The following IL10RB variants were observed in gnomAD, a reference collection of about 807,000 sequenced individuals.
IL10RB encodes interleukin 10 receptor subunit beta.
A neutral mutation model predicts 38.7 loss-of-function variants in IL10RB; 30 were observed. The ratio of observed to expected loss-of-function variants is 0.78; its 90% CI spans 0.58 to 1.05. The LOEUF (loss-of-function observed/expected upper bound fraction) is 1.05. Among genes scored for constraint, IL10RB ranks in the 50% least tolerant of loss-of-function variants. The pLI, the probability that IL10RB is intolerant of heterozygous loss-of-function variation, is 0.00. For missense variants in IL10RB, 328 were observed against 397.1 expected (o/e 0.83, Z 1.48); for synonymous variants, 142 against 145.9 (o/e 0.97, Z 0.19).
rs373803746 is a variant in IL10RB, at chr21:33,291,754, C to G, written c.804+3493C>G. Among the ~76,000 whole-genome samples, 29 of 152,290 alleles carry G rather than the reference C, an allele frequency of 1.9e-4. No individual in the cohort carries two copies. In the East Asian group the frequency reaches 4.2e-3, roughly 22 times the overall value. On this transcript the variant is annotated intron_variant, in intron 6 of 6. Transcript: ENST00000290200. ...CCTTCCAGAGTGGTGCAAGAGTCGA[C>G]GTCATCAGCTTGCTACCAGGTGGCT... is the stretch of plus-strand genomic sequence containing the variant.
chr21:33,279,630 A>ACATTGATTGACATGG, intron 3 of IL10RB, 122 bp from the exon 4 acceptor site: 1 of 830,988 alleles, frequency 1.2e-6, no homozygotes, highest in Non-Finnish European at 2.1e-6. Context: ...CAATGTCATG[A>ACATTGATTGACATGG]CAATAGTATA....
At chr21:33,280,631 C>A (rs935358285) in intron 4 of IL10RB, among the ~76,000 whole-genome samples, 12 of 152,088 alleles carry the variant, frequency 7.9e-5, no homozygotes. Flanking sequence ...TTTTATTCAT[C>A]CTTGGTCAAG....
At chr21:33,303,060 T>C (rs1223897768) in intron 1 of IL10RB, among the ~76,000 whole-genome samples, 6 of 152,174 alleles carry the variant, frequency 3.9e-5, no homozygotes, top group African/African-American at 1.4e-4. Context: ...CCCAAGGCCT[T>C]CTTCAGGCAC....
At chr21:33,276,512 C>A in intron 2 of IL10RB, 84 bp from the exon 3 acceptor site, 4 of 1,088,650 alleles carry the variant, frequency 3.7e-6, no homozygotes, top group Non-Finnish European at 5.7e-6. Flanking sequence ...CCGCGCCGCC[C>A]CCCCCTCCAA....
chr21:33,301,705 C>T (rs117655517), downstream of IL10RB, among the ~76,000 whole-genome samples: 700 of 152,340 alleles, frequency 4.6e-3, 5 homozygotes, highest in Non-Finnish European at 7.6e-3. Context: ...TTGTTCTAAG[C>T]ACTTTTACAT....
downstream of IL10RB, among the ~76,000 whole-genome samples, chr21:33,299,613 T>C (rs1601840826): frequency 6.6e-6 from 1 of 152,202 alleles, no homozygotes; most frequent in South Asian, 2.1e-4. Flanking sequence ...GCACCTTTGT[T>C]CCTTCCTCTC....
At chr21:33,308,501 T>C (rs767690660) in intron 1 of IL10RB, 3 of 152,240 alleles carry the variant, frequency 2.0e-5, no homozygotes, top group Non-Finnish European at 4.4e-5. Flanking sequence ...GTATAAGAAC[T>C]GCTGATGAGG....
intron 6 of IL10RB, among the ~76,000 whole-genome samples, chr21:33,295,671 C>CAAA (rs549680649): frequency 3.7e-5 from 4 of 109,578 alleles, no homozygotes; most frequent in Non-Finnish European, 5.5e-5. Context: ...GACTCCATCT[C>CAAA]AAAAAAAAAA....
chr21:33,266,848 T>G (rs538949302), intron 1 of IL10RB, among the ~76,000 whole-genome samples: 1 of 152,168 alleles, frequency 6.6e-6, no homozygotes, highest in South Asian at 2.1e-4. Flanking sequence ...AGACCCAAGA[T>G]CCCACCGTGG....
chr21:33,285,909 A>C (rs1225934470), intron 5 of IL10RB, among the ~76,000 whole-genome samples: 1 of 152,188 alleles, frequency 6.6e-6, no homozygotes, highest in African/African-American at 2.4e-5. Flanking sequence ...CACCAAGAGC[A>C]GACTCACATG....
intron 2 of IL10RB, among the ~76,000 whole-genome samples, chr21:33,272,471 C>T (rs1989098918): frequency 6.6e-6 from 1 of 151,980 alleles, no homozygotes; most frequent in South Asian, 2.1e-4. Flanking sequence ...TTTTTTGAGA[C>T]AGTGTCACTC....
chr21:33,308,332 T>C (rs766360826), intron 1 of IL10RB: 1 of 152,222 alleles, frequency 6.6e-6, no homozygotes, highest in Non-Finnish European at 1.5e-5. Flanking sequence ...AATCACTTCA[T>C]GGATGTTAAA....
rs143985008 is a variant in IL10RB, at chr21:33,268,414, C to A, written c.70C>A (p.Pro24Thr). The change falls in exon 2 of 7, where the codon CCC (proline) becomes ACC (threonine). Residue 24 changes from proline to threonine, a missense_variant. By Grantham distance (38) the Pro-to-Thr change is conservative. Transcript: ENST00000290200. Reference protein sequence around the residue: ...LVSALGMVPPPENVRMNSVNF... With the variant: ...LVSALGMVPPTENVRMNSVNF... The stretch of plus-strand genomic sequence containing the variant: ...CATAGCATTGGGAATGGTACCACCT[C>A]CCGAAAATGTCAGAATGAATTCTGT... 3.1e-5 allele frequency: 50 copies of A among 1,613,938 alleles called. No individual in the cohort carries two copies. In the East Asian group the frequency reaches 1.1e-3, roughly 35 times the overall value.
At chr21:33,295,671 CAAA>C (rs549680649) in intron 6 of IL10RB, among the ~76,000 whole-genome samples, 45 of 109,556 alleles carry the variant, frequency 4.1e-4, no homozygotes, top group African/African-American at 1.1e-3. Flanking sequence ...GACTCCATCT[CAAA>C]AAAAAAAAAA....
downstream of IL10RB, among the ~76,000 whole-genome samples, chr21:33,298,017 C>CA (rs1215446014): frequency 1.3e-5 from 2 of 152,144 alleles, no homozygotes; most frequent in Non-Finnish European, 2.9e-5. Flanking sequence ...TCAGCTTGAG[C>CA]AAAAGCAGTC....
intron 6 of IL10RB, 88 bp downstream of exon 6, chr21:33,288,349 C>A: frequency 1.8e-6 from 2 of 1,135,798 alleles, no homozygotes; most frequent in African/African-American, 1.5e-5. Flanking sequence ...TTCCAGACAA[C>A]ATGTTTTCCA....
In IL10RB at chr21:33,283,619, C is replaced by T. The variant is rs8178503; in HGVS notation, c.646+378C>T. ...ACCCCAAAGGTCTTTCCTCCCCAGG[C>T]GGCACATCTCCAGCCACTGCCGACA... On this transcript the variant is annotated intron_variant, in intron 5 of 6. Transcript: ENST00000290200. 1.5e-3 allele frequency among the ~76,000 whole-genome samples: 224 copies of T among 152,262 alleles called. 1 individual carries two copies. The highest frequency in any genetic ancestry group is 6.8e-3 in the Middle Eastern group (2 of 294).
Position 33,283,137 on chromosome 21 carries a change from T to C in IL10RB, c.542T>C (p.Leu181Pro). 5 of 1,613,820 alleles carry C rather than the reference T, an allele frequency of 3.1e-6. No homozygotes were observed. The highest frequency in any genetic ancestry group is 4.2e-6 in the Non-Finnish European group (5 of 1,179,688). The change falls in exon 5 of 7, where the codon CTG (leucine) becomes CCG (proline). Residue 181 changes from leucine to proline, a missense_variant. Physicochemically the swap from Leu to Pro is moderately conservative, Grantham distance 98. Transcript: ENST00000290200. ...TATGACTTTGAGGTCCTCAGAAACC[T>C]GGAGCCATGGACAACTTATTGTGTT... ...PQYDFEVLRN[L>P]EPWTTYCVQV...
intron 2 of IL10RB, among the ~76,000 whole-genome samples, chr21:33,273,882 C>T (rs1463643629): frequency 1.3e-5 from 2 of 152,226 alleles, no homozygotes; most frequent in Non-Finnish European, 2.9e-5. Context: ...AATTCAGTCG[C>T]ATCTTCGGGT....
Sources: gnomAD v4.1 joint callset for allele counts (sites outside exome capture counted in the v4.1 genomes callset) on GRCh38, gnomAD v4.1.1 for gene constraint, MANE v1.5 for transcripts, NCBI Gene and HGNC (gene_info 2026-07-23, HGNC 2026-07-21) for gene names.